The following IGSF11 variants were observed in gnomAD, a reference collection of about 807,000 sequenced individuals.
IGSF11 encodes the protein immunoglobulin superfamily member 11.
IGSF11 carries 22 observed loss-of-function variants against 41.0 expected under a neutral mutation model. The ratio of observed to expected loss-of-function variants is 0.54; its 90% CI spans 0.38 to 0.77. The LOEUF (loss-of-function observed/expected upper bound fraction) is 0.77, where lower values mean the gene tolerates loss of function less well. Among genes scored for constraint, IGSF11 ranks in the 30% least tolerant of loss-of-function variants. The pLI is 0.00. For missense variants in IGSF11, 444 were observed against 530.8 expected (o/e 0.84, Z 1.61); for synonymous variants, 219 against 201.3 (o/e 1.09, Z -0.74).
intron 1 of IGSF11, among the ~76,000 whole-genome samples, chr3:119,125,272 T>C (rs1239252678): frequency 6.6e-6 from 1 of 152,222 alleles, no homozygotes; most frequent in Non-Finnish European, 1.5e-5. Context: ...TGGAGGCTCC[T>C]GTTATGCGCG....
chr3:118,917,356 A>G (rs1337876658), intron 4 of IGSF11, among the ~76,000 whole-genome samples: 27 of 150,612 alleles, frequency 1.8e-4, no homozygotes, highest in East Asian at 3.9e-4. Context: ...TTGATAGACC[A>G]CTAGCAAGAC....
At chr3:119,038,917 A>T (rs1293437932), upstream of IGSF11, among the ~76,000 whole-genome samples, 1 of 152,196 alleles carries the variant, frequency 6.6e-6, no homozygotes, top group Non-Finnish European at 1.5e-5. Context: ...AAAATGTGAG[A>T]TTATATATTT....
Position 118,902,905 on chromosome 3 carries a change from G to A in IGSF11, c.911C>T (p.Ser304Phe), listed in dbSNP as rs201212439. ...SSAKAFHTEI[S>F]SSDNNTLTSS... ...GGTTAGTGTGTTGTTGTCCGAGGAG[G>A]AAATCTCAGTGTGAAATGCTTTGGC... The change falls in exon 7 of 7, where the codon TCC becomes TTC. Residue 304 changes from serine (S) to phenylalanine (F), a missense_variant. By Grantham distance (155) the Ser-to-Phe change is radical (BLOSUM62 -2). Transcript: ENST00000393775. 6.2e-7 allele frequency: 1 copy of A among 1,614,154 alleles called. No individual in the cohort carries two copies. Among genetic ancestry groups the A allele is most frequent in the East Asian group, 2.2e-5 (1 of 44,890 alleles).
chr3:119,009,564 CTA>C (rs1491458418), intron 1 of IGSF11, among the ~76,000 whole-genome samples: 1 of 152,186 alleles, frequency 6.6e-6, no homozygotes, highest in Admixed American at 6.5e-5. Flanking sequence ...TCCACCATGA[CTA>C]TAAGTTTCCT....
intron 1 of IGSF11, among the ~76,000 whole-genome samples, chr3:119,117,413 G>C (rs2077273784): frequency 6.6e-6 from 1 of 152,202 alleles, no homozygotes; most frequent in Non-Finnish European, 1.5e-5. Flanking sequence ...AGCAGGCAAA[G>C]AGAGCTTGTG....
At chr3:118,941,012 C>T (rs1943653611) in intron 1 of IGSF11, among the ~76,000 whole-genome samples, 1 of 151,126 alleles carries the variant, frequency 6.6e-6, no homozygotes, top group Non-Finnish European at 1.5e-5. Context: ...TATAAAACTT[C>T]TGGAAGAAAA....
At chr3:119,144,467 A>G (rs528371667) in intron 1 of IGSF11, among the ~76,000 whole-genome samples, 16 of 152,358 alleles carry the variant, frequency 1.1e-4, no homozygotes, top group African/African-American at 3.8e-4. Flanking sequence ...TGAACACAGC[A>G]GAATGAAGCT....
At chr3:118,970,745 T>C (rs536384438) in intron 1 of IGSF11, among the ~76,000 whole-genome samples, 10 of 137,870 alleles carry the variant, frequency 7.3e-5, no homozygotes, top group African/African-American at 3.0e-4. Flanking sequence ...AGCTACACAG[T>C]TTTACAAAAA....
chr3:118,903,359 T>C (rs1296858608), intron 6 of IGSF11, among the ~76,000 whole-genome samples: 1 of 151,872 alleles, frequency 6.6e-6, no homozygotes, highest in Non-Finnish European at 1.5e-5. Flanking sequence ...GCTTTATATA[T>C]ATAGTATTCA....
chr3:118,941,169 T>C (rs1226319309), intron 1 of IGSF11, among the ~76,000 whole-genome samples: 1 of 152,008 alleles, frequency 6.6e-6, no homozygotes, highest in Non-Finnish European at 1.5e-5. Flanking sequence ...AAGTTTCTTG[T>C]CTTCAAAAGA....
At chr3:119,108,876 T>C (rs2077086807), upstream of IGSF11, among the ~76,000 whole-genome samples, 1 of 141,948 alleles carries the variant, frequency 7.0e-6, no homozygotes, top group African/African-American at 2.5e-5. Flanking sequence ...GTTCTGTTTA[T>C]ATGCTGGATT....
chr3:118,935,920 G>A (rs183572355), intron 1 of IGSF11, among the ~76,000 whole-genome samples: 4 of 152,212 alleles, frequency 2.6e-5, no homozygotes, highest in African/African-American at 9.6e-5. Context: ...GGAAAGAACT[G>A]ACTCATGAAT....
chr3:119,004,875 A>T (rs1423197308), intron 1 of IGSF11, among the ~76,000 whole-genome samples: 1 of 152,140 alleles, frequency 6.6e-6, no homozygotes, highest in East Asian at 1.9e-4. Context: ...GGAGAGTTTT[A>T]CTTCCAACTA....
intron 1 of IGSF11, among the ~76,000 whole-genome samples, chr3:119,081,386 G>A (rs1055534355): frequency 1.3e-5 from 2 of 151,438 alleles, no homozygotes; most frequent in South Asian, 2.1e-4. Flanking sequence ...TGCTCTACTC[G>A]ATCATTGTCA....
In IGSF11 at chr3:119,133,086, T is replaced by C. The variant is rs1468232900; in HGVS notation, c.-14+12727A>G. ...AAAGCAGTGTGTAGAAGGAAATTTA[T>C]AGCACTAAATGCCCACAACTGAAAG... On this transcript the variant is annotated intron_variant, in intron 1 of 7. Coordinates refer to the IGSF11 transcript ENST00000425327. Among the ~76,000 whole-genome samples the C allele has an allele frequency of 2.0e-5, 3 of 152,190 alleles. 1 individual carries two copies. The highest frequency in any genetic ancestry group is 4.1e-4 in the South Asian group (2 of 4,830).
intron 1 of IGSF11, among the ~76,000 whole-genome samples, chr3:118,956,171 T>C (rs148351919): frequency 2.0e-5 from 3 of 152,334 alleles, no homozygotes; most frequent in East Asian, 1.9e-4. Flanking sequence ...ATTAGGGCAC[T>C]GCTCTAGATT....
At chr3:119,009,350 A>C (rs1247040128) in intron 1 of IGSF11, among the ~76,000 whole-genome samples, 1 of 152,322 alleles carries the variant, frequency 6.6e-6, no homozygotes, top group East Asian at 1.9e-4. Context: ...GTCTCCACCC[A>C]AATCTTACCT....
chr3:118,904,137 A>T (rs996557433), intron 6 of IGSF11, among the ~76,000 whole-genome samples: 5 of 152,162 alleles, frequency 3.3e-5, no homozygotes, highest in African/African-American at 1.2e-4. Flanking sequence ...CGAACCCTCA[A>T]ATCTCCCCAG....
At chr3:119,122,773 A>G (rs901225434) in intron 1 of IGSF11, among the ~76,000 whole-genome samples, 1 of 152,174 alleles carries the variant, frequency 6.6e-6, no homozygotes, top group African/African-American at 2.4e-5. Context: ...GCCAGAAGTG[A>G]ACCCACTGCC....
Sources: gnomAD v4.1 joint callset for allele counts (sites outside exome capture counted in the v4.1 genomes callset) on GRCh38, gnomAD v4.1.1 for gene constraint, MANE v1.5 for transcripts, NCBI Gene and HGNC (gene_info 2026-07-23, HGNC 2026-07-21) for gene names.